XKR9: variants seen among roughly 807,000 people sequenced by gnomAD.
XKR9 encodes XK related 9.
In XKR9, 32 loss-of-function variants were observed where a neutral mutation model predicts 32.0. The ratio of observed to expected loss-of-function variants is 1.00; its 90% CI spans 0.76 to 1.34. The LOEUF (loss-of-function observed/expected upper bound fraction) is 1.34, where lower values mean the gene tolerates loss of function less well. Ranked by LOEUF, XKR9 falls within the 40% of genes most tolerant of loss-of-function variation. The pLI is 0.00. For missense variants in XKR9, 546 were observed against 429.7 expected, an observed-to-expected ratio of 1.27 and a Z score of -2.39; for synonymous variants, 168 against 143.4, an observed-to-expected ratio of 1.17 and a Z score of -1.22.
At chr8:70,788,056 A>G (rs1007553443) in intron 2 of XKR9, among the ~76,000 whole-genome samples, 3 of 152,132 alleles carry the variant, frequency 2.0e-5, no homozygotes, top group African/African-American at 7.2e-5. Context: ...TCAATGATAA[A>G]TAACTTAATT....
chr8:71,032,297 A>C, the XKR9 span, among the ~76,000 whole-genome samples: 2 of 150,146 alleles, frequency 1.3e-5, no homozygotes, highest in South Asian at 4.2e-4. Flanking sequence ...AAAAAAAAAA[A>C]AAAAAAAAAA....
chr8:71,004,831 T>C, the XKR9 span, among the ~76,000 whole-genome samples: 3 of 152,032 alleles, frequency 2.0e-5, no homozygotes, highest in Non-Finnish European at 4.4e-5. Flanking sequence ...GGATTACCAA[T>C]ACCTTGATTT....
At chr8:70,951,692 A>G in the XKR9 span, among the ~76,000 whole-genome samples, 1 of 152,260 alleles carries the variant, frequency 6.6e-6, no homozygotes, top group Non-Finnish European at 1.5e-5. Context: ...GCCAGGGCAG[A>G]TACTTAAAAG....
At chr8:70,679,025 A>G (rs1818976761) in intron 2 of XKR9, among the ~76,000 whole-genome samples, 1 of 152,210 alleles carries the variant, frequency 6.6e-6, no homozygotes, top group South Asian at 2.1e-4. Flanking sequence ...GAAGTCCAAG[A>G]TCATTGTGCC....
chr8:70,838,524 G>A, the XKR9 span, among the ~76,000 whole-genome samples: 1 of 151,980 alleles, frequency 6.6e-6, no homozygotes, highest in Non-Finnish European at 1.5e-5. Flanking sequence ...CCCATAACAA[G>A]CCTGCCAGAT....
chr8:70,870,514 T>A, the XKR9 span, among the ~76,000 whole-genome samples: 1 of 152,214 alleles, frequency 6.6e-6, no homozygotes, highest in Non-Finnish European at 1.5e-5. Flanking sequence ...TGGTTTGGAA[T>A]GTTAGGCACT....
chr8:70,901,121 G>T, the XKR9 span, among the ~76,000 whole-genome samples: 1 of 152,096 alleles, frequency 6.6e-6, no homozygotes, highest in Middle Eastern at 3.2e-3. Flanking sequence ...ATAAACATAC[G>T]TGTGCATGTG....
At chr8:70,809,292 C>CGTACG in the XKR9 span, among the ~76,000 whole-genome samples, 2 of 152,036 alleles carry the variant, frequency 1.3e-5, no homozygotes, top group African/African-American at 4.8e-5. Flanking sequence ...AAACCTCATC[C>CGTACG]GTACGTCACC....
At chr8:70,715,369 A>G (rs1432323883) in intron 4 of XKR9, among the ~76,000 whole-genome samples, 2 of 152,160 alleles carry the variant, frequency 1.3e-5, no homozygotes, top group African/African-American at 2.4e-5. Flanking sequence ...AACTGCAATT[A>G]AAATGTCTTA....
the XKR9 span, among the ~76,000 whole-genome samples, chr8:70,977,311 A>T: frequency 6.6e-6 from 1 of 151,944 alleles, no homozygotes; most frequent in Non-Finnish European, 1.5e-5. Context: ...TTGCTTCTCT[A>T]GTTCTTTTAA....
intron 2 of XKR9, among the ~76,000 whole-genome samples, chr8:70,774,719 C>T (rs1434440194): frequency 6.6e-6 from 1 of 152,066 alleles, no homozygotes; most frequent in Non-Finnish European, 1.5e-5. Context: ...ACCCTATATG[C>T]AATGGTCCAT....
chr8:70,961,480 T>C, the XKR9 span, among the ~76,000 whole-genome samples: 1 of 152,188 alleles, frequency 6.6e-6, no homozygotes, highest in Non-Finnish European at 1.5e-5. Flanking sequence ...TTTGGACAAG[T>C]TGCACTCTAT....
intron 2 of XKR9, among the ~76,000 whole-genome samples, chr8:70,761,923 C>G (rs1807314656): frequency 6.6e-6 from 1 of 151,998 alleles, no homozygotes; most frequent in Non-Finnish European, 1.5e-5. Context: ...TATGGCTAGC[C>G]AGTTCTCCCA....
At chr8:70,684,680 C>T (rs931058569) in intron 3 of XKR9, among the ~76,000 whole-genome samples, 14 of 149,140 alleles carry the variant, frequency 9.4e-5, no homozygotes, top group South Asian at 2.2e-4. Context: ...AAAAAGTGGG[C>T]GAAGGACATG....
the XKR9 span, among the ~76,000 whole-genome samples, chr8:70,943,934 A>G: frequency 6.6e-6 from 1 of 152,188 alleles, no homozygotes; most frequent in Non-Finnish European, 1.5e-5. Flanking sequence ...TTACTTATTA[A>G]GTAGCACATG....
At chr8:70,684,413 C>T (rs1819188849) in intron 3 of XKR9, among the ~76,000 whole-genome samples, 1 of 152,046 alleles carries the variant, frequency 6.6e-6, no homozygotes, top group Admixed American at 6.6e-5. Context: ...CCTCTCATTC[C>T]TTGTATCATT....
chr8:70,957,683 G>T, the XKR9 span, among the ~76,000 whole-genome samples: 1 of 151,666 alleles, frequency 6.6e-6, no homozygotes, highest in African/African-American at 2.4e-5. Flanking sequence ...ATGGCTTCCA[G>T]CTCCATTCAC....
At chr8:70,696,323 A>G (rs74466933) in intron 3 of XKR9, among the ~76,000 whole-genome samples, 148 of 152,216 alleles carry the variant, frequency 9.7e-4, no homozygotes, top group East Asian at 5.8e-4. Context: ...TAGGCCTAAC[A>G]TGTAAGTCTT....
Position 70,716,896 on chromosome 8 carries a change from C to T in XKR9, c.493+9743C>T, listed in dbSNP as rs1436667879. On this transcript the variant is annotated intron_variant, in intron 4 of 4. Coordinates refer to ENST00000408926, the MANE Select transcript of XKR9 (RefSeq NM_001011720.2). Reference sequence around the variant, plus strand: ...AAATCAACAGCAAGTTAGTTACTTCCTAGATACAATGTGGGTATAGGCATT... The same window carrying T: ...AAATCAACAGCAAGTTAGTTACTTCTTAGATACAATGTGGGTATAGGCATT... Among the ~76,000 whole-genome samples the T allele has an allele frequency of 2.0e-5, 3 of 152,166 alleles. No individual in the cohort carries two copies. The East Asian group carries it at 5.8e-4, about 29-fold the overall frequency.
Sources: gnomAD v4.1 joint callset for allele counts (sites outside exome capture counted in the v4.1 genomes callset) on GRCh38, gnomAD v4.1.1 for gene constraint, MANE v1.5 for transcripts, NCBI Gene and HGNC (gene_info 2026-07-23, HGNC 2026-07-21) for gene names.